SUSD4: variants seen among roughly 807,000 people sequenced by gnomAD.
SUSD4 encodes sushi domain-containing protein 4.
SUSD4 carries 41 observed loss-of-function variants against 50.5 expected under a neutral mutation model. The observed-to-expected ratio is 0.81, with a 90% CI of 0.63 to 1.05. The LOEUF is 1.05. Ranked by LOEUF, SUSD4 falls within the 50% of genes least tolerant of loss-of-function variation. The pLI is 0.00. For missense variants in SUSD4, 580 were observed against 634.7 expected, an observed-to-expected ratio of 0.91 and a Z score of 0.93; for synonymous variants, 257 against 257.3, an observed-to-expected ratio of 1.00 and a Z score of 0.01.
At chr1:223,315,894 G>A (rs1361364485) in intron 2 of SUSD4, among the ~76,000 whole-genome samples, 1 of 152,184 alleles carries the variant, frequency 6.6e-6, no homozygotes, top group Non-Finnish European at 1.5e-5. Flanking sequence ...GATTGCAAGG[G>A]AAGGGGATGC....
intron 2 of SUSD4, chr1:223,359,135 A>G (rs1668826726): frequency 2.1e-6 from 1 of 470,966 alleles, no homozygotes; most frequent in African/African-American, 2.0e-5. Flanking sequence ...GAAACAGAAA[A>G]AGGAAGACAA....
chr1:223,355,293 C>G (rs991727553), intron 2 of SUSD4, among the ~76,000 whole-genome samples: 1 of 152,116 alleles, frequency 6.6e-6, no homozygotes, highest in African/African-American at 2.4e-5. Flanking sequence ...AAGCTGATCT[C>G]AAACTCCTGA....
chr1:223,355,349 C>T (rs982144408), intron 2 of SUSD4, among the ~76,000 whole-genome samples: 28 of 151,896 alleles, frequency 1.8e-4, no homozygotes, highest in Non-Finnish European at 3.8e-4. Context: ...GCTGGGATTA[C>T]AGGCATGAGC....
intron 2 of SUSD4, among the ~76,000 whole-genome samples, chr1:223,354,436 GA>G (rs1668545647): frequency 6.6e-6 from 1 of 151,886 alleles, no homozygotes; most frequent in Non-Finnish European, 1.5e-5. Context: ...AATCCAAGGG[GA>G]AAAATCTGGG....
At chr1:223,293,793 A>G (rs982041860) in intron 2 of SUSD4, among the ~76,000 whole-genome samples, 3 of 152,118 alleles carry the variant, frequency 2.0e-5, no homozygotes, top group African/African-American at 7.2e-5. Context: ...GGCCAAGGAT[A>G]AGGGAGGGTC....
chr1:223,288,078 T>C (rs1390142688), intron 3 of SUSD4, among the ~76,000 whole-genome samples: 1 of 152,194 alleles, frequency 6.6e-6, no homozygotes, highest in Non-Finnish European at 1.5e-5. Flanking sequence ...AAAAATGTCA[T>C]AACCACCTCA....
In SUSD4 at chr1:223,276,308, A is replaced by G. The variant is rs554329104; in HGVS notation, c.362-7633T>C. 4.6e-5 allele frequency among the ~76,000 whole-genome samples: 7 copies of G among 152,318 alleles called. No homozygotes were observed. In the South Asian group the frequency reaches 1.0e-3, roughly 23 times the overall value. ...TGTTGTTGTTCTCCATTTGCCTGAC[A>G]ATTCTGGGACTTTGAGCAACTCCCT... On this transcript the variant is annotated intron_variant, in intron 3 of 8. Transcript: ENST00000366878.
chr1:223,321,815 C>A (rs1159661863), intron 2 of SUSD4, among the ~76,000 whole-genome samples: 3 of 152,156 alleles, frequency 2.0e-5, no homozygotes, highest in Non-Finnish European at 4.4e-5. Context: ...ATTTTTTAAA[C>A]AGATCTGTGA....
intron 7 of SUSD4, among the ~76,000 whole-genome samples, chr1:223,225,424 C>A (rs1316954082): frequency 6.6e-6 from 1 of 152,020 alleles, no homozygotes; most frequent in African/African-American, 2.4e-5. Flanking sequence ...GTGGTGGACT[C>A]CTTGTCCCGC....
intron 1 of SUSD4, 132 bp from the exon 2 acceptor site, chr1:223,363,592 C>T (rs977896678): frequency 8.1e-6 from 9 of 1,116,352 alleles, no homozygotes; most frequent in Non-Finnish European, 1.1e-5. Flanking sequence ...CGCGCGGCCC[C>T]CGCCCCCTTT....
chr1:223,289,266 T>C lies in SUSD4; in HGVS notation c.361+3173A>G, dbSNP rs1328831729. ...GCTTGGGGTCATGCAGGCTCCAGTC[T>C]TGCAGAAGCAGCTTGAAGAAGCACA... is the stretch of plus-strand genomic sequence containing the variant. On this transcript the variant is annotated intron_variant, in intron 3 of 8. Coordinates refer to ENST00000366878, the MANE Select transcript of SUSD4 (RefSeq NM_017982.4). 3 of 985,334 alleles carry C rather than the reference T, an allele frequency of 3.0e-6. No individual in the cohort carries two copies. In the African/African-American group the frequency reaches 5.2e-5, roughly 17 times the overall value. 61.0% of individuals were successfully genotyped at this position (985,334 alleles called of 1,614,324 possible). A position where few individuals can be genotyped will look rare whatever the true frequency, so the allele number is the denominator to read the frequency against.
chr1:223,241,319 T>C (rs1048271650), intron 5 of SUSD4, among the ~76,000 whole-genome samples: 3 of 152,200 alleles, frequency 2.0e-5, no homozygotes, highest in Non-Finnish European at 4.4e-5. Context: ...CACAAAAGTA[T>C]GGAGGCCCCC....
intron 2 of SUSD4, among the ~76,000 whole-genome samples, chr1:223,321,070 C>T (rs1264552555): frequency 6.6e-6 from 1 of 152,228 alleles, no homozygotes; most frequent in East Asian, 1.9e-4. Flanking sequence ...CTAGTGTTCA[C>T]AGGTGTCTTT....
chr1:223,302,814 A>C (rs1341409497), intron 2 of SUSD4, among the ~76,000 whole-genome samples: 3 of 152,206 alleles, frequency 2.0e-5, no homozygotes, highest in Non-Finnish European at 4.4e-5. Context: ...AGAAGGTCCC[A>C]GAACCAGCAA....
At chr1:223,307,112 T>C (rs1479236424) in intron 2 of SUSD4, among the ~76,000 whole-genome samples, 1 of 152,100 alleles carries the variant, frequency 6.6e-6, no homozygotes, top group Non-Finnish European at 1.5e-5. Context: ...GCTCCCTCCT[T>C]GGCCTCCCAA....
intron 3 of SUSD4, among the ~76,000 whole-genome samples, chr1:223,280,115 C>T (rs939002273): frequency 1.3e-5 from 2 of 152,158 alleles, no homozygotes; most frequent in East Asian, 1.9e-4. Context: ...ACAACCGGTA[C>T]CAGCCACAGC....
intron 2 of SUSD4, chr1:223,358,712 T>C (rs1458105010): frequency 1.3e-5 from 2 of 156,866 alleles, no homozygotes; most frequent in African/African-American, 4.8e-5. Flanking sequence ...ATGAAATCCT[T>C]TTGCCTCCAA....
chr1:223,260,876 C>A (rs150406355), intron 5 of SUSD4, among the ~76,000 whole-genome samples: 3 of 152,160 alleles, frequency 2.0e-5, no homozygotes, highest in African/African-American at 7.2e-5. Context: ...CTTCATGAAG[C>A]CAGGTATCAA....
At chr1:223,257,312 T>C (rs1207298645) in intron 5 of SUSD4, among the ~76,000 whole-genome samples, 2 of 152,104 alleles carry the variant, frequency 1.3e-5, no homozygotes, top group African/African-American at 4.8e-5. Flanking sequence ...GAGACCAGCC[T>C]GGGCAAAACA....
Sources: gnomAD v4.1 joint callset for allele counts (sites outside exome capture counted in the v4.1 genomes callset) on GRCh38, gnomAD v4.1.1 for gene constraint, MANE v1.5 for transcripts, NCBI Gene and HGNC (gene_info 2026-07-23, HGNC 2026-07-21) for gene names.